The following PPP1R12B variants were observed in gnomAD, a reference collection of about 807,000 sequenced individuals.
PPP1R12B encodes protein phosphatase 1 regulatory subunit 12B.
A neutral mutation model predicts 126.1 loss-of-function variants in PPP1R12B; 76 were observed. The ratio of observed to expected loss-of-function variants is 0.60; its 90% CI spans 0.50 to 0.73. The LOEUF is 0.73. PPP1R12B is among the 30% of genes least tolerant of loss of function. PPP1R12B has a pLI of 0.00. For missense variants in PPP1R12B, 1,052 were observed against 1,205.1 expected (o/e 0.87, Z 1.88); for synonymous variants, 356 against 434.7 (o/e 0.82, Z 2.25).
At chr1:202,390,426 AG>A (rs1663951247) in intron 1 of PPP1R12B, among the ~76,000 whole-genome samples, 1 of 152,218 alleles carries the variant, frequency 6.6e-6, no homozygotes, top group Non-Finnish European at 1.5e-5. Flanking sequence ...ATTTAGCAAA[AG>A]GTTCTTAGAT....
intron 18 of PPP1R12B, among the ~76,000 whole-genome samples, chr1:202,557,350 A>G (rs1288053429): frequency 6.6e-6 from 1 of 151,654 alleles, no homozygotes; most frequent in Non-Finnish European, 1.5e-5. Flanking sequence ...AGATATCAAG[A>G]AAAAAAAACT....
At chr1:202,433,365 T>C (rs1670414801) in intron 8 of PPP1R12B, among the ~76,000 whole-genome samples, 1 of 152,228 alleles carries the variant, frequency 6.6e-6, no homozygotes, top group African/African-American at 2.4e-5. Flanking sequence ...TCTTGTTCTC[T>C]GTAGCCAGGT....
chr1:202,583,847 TTA>T lies in PPP1R12B; in HGVS notation c.*3288_*3289del, dbSNP rs1392976195. The T allele has an allele frequency of 6.6e-6, 1 of 152,212 alleles. No individual in the cohort carries two copies. The highest frequency in any genetic ancestry group is 2.4e-5 in the African/African-American group (1 of 41,464). The allele number at this position is 152,212 out of a possible 1,614,324, so 9.4% of individuals were successfully genotyped here. On this transcript the variant is annotated 3_prime_UTR_variant, in exon 24 of 24. Coordinates refer to ENST00000608999, the MANE Select transcript of PPP1R12B (RefSeq NM_002481.4). ...ATGGGGCTCAGGTCTGTCACTTAAC[TTA>T]GAGTCTTTACATGAAATATCAGAAT...
chr1:202,503,752 T>C (rs1680494269), intron 18 of PPP1R12B, among the ~76,000 whole-genome samples: 1 of 151,768 alleles, frequency 6.6e-6, no homozygotes, highest in Admixed American at 6.6e-5. Flanking sequence ...CATGGAACAA[T>C]AGGCAGTTTT....
chr1:202,511,016 T>C lies in PPP1R12B; in HGVS notation c.2490+14194T>C, dbSNP rs1681421443. Among the ~76,000 whole-genome samples the C allele has an allele frequency of 3.4e-5, 5 of 146,668 alleles. No homozygotes were observed. The South Asian group carries it at 1.1e-3, about 31-fold the overall frequency. ...ATTTATACAATAATTTAAAATATAA[T>C]TTATTAATATAAATATAACAATTAT... On this transcript the variant is annotated intron_variant, in intron 18 of 23. Transcript: ENST00000608999.
intron 13 of PPP1R12B, among the ~76,000 whole-genome samples, chr1:202,484,893 G>A (rs985109200): frequency 2.6e-5 from 4 of 152,170 alleles, no homozygotes; most frequent in African/African-American, 9.7e-5. Flanking sequence ...ATCAGGCCAA[G>A]CATGGGTACA....
At chr1:202,456,277 A>AAAAGAAAG (rs530699602) in intron 13 of PPP1R12B, among the ~76,000 whole-genome samples, 5 of 151,914 alleles carry the variant, frequency 3.3e-5, no homozygotes, top group South Asian at 2.1e-4. Flanking sequence ...TCAAAAAAAA[A>AAAAGAAAG]AAAGAAAGAA....
At chr1:202,486,886 G>A (rs1323578370) in intron 13 of PPP1R12B, among the ~76,000 whole-genome samples, 2 of 152,122 alleles carry the variant, frequency 1.3e-5, no homozygotes, top group Non-Finnish European at 2.9e-5. Flanking sequence ...ATTTAAGGAG[G>A]AAATAACCCA....
At chr1:202,480,843 A>T (rs1677252528) in intron 13 of PPP1R12B, among the ~76,000 whole-genome samples, 1 of 152,260 alleles carries the variant, frequency 6.6e-6, no homozygotes, top group Non-Finnish European at 1.5e-5. Context: ...CTTTGAAAGT[A>T]CAAGATAGAC....
chr1:202,547,966 A>G (rs957084586), intron 18 of PPP1R12B, among the ~76,000 whole-genome samples: 1 of 152,238 alleles, frequency 6.6e-6, no homozygotes, highest in Non-Finnish European at 1.5e-5. Context: ...TTTATTGAAC[A>G]TTTACTCTTT....
intron 18 of PPP1R12B, among the ~76,000 whole-genome samples, chr1:202,500,170 T>C (rs990464640): frequency 6.6e-6 from 1 of 152,150 alleles, no homozygotes; most frequent in African/African-American, 2.4e-5. Context: ...TGACGCTCCC[T>C]GGTGGTCTAG....
chr1:202,442,215 A>G (rs1417743999), intron 11 of PPP1R12B, among the ~76,000 whole-genome samples: 4 of 152,226 alleles, frequency 2.6e-5, no homozygotes, highest in African/African-American at 9.6e-5. Flanking sequence ...GACCTTTGAC[A>G]TGAGGAATTT....
intron 18 of PPP1R12B, chr1:202,558,562 A>C (rs1244944011): frequency 3.7e-6 from 1 of 271,548 alleles, no homozygotes; most frequent in Non-Finnish European, 6.9e-6. Context: ...TTGGCTAGTT[A>C]GTTGGGTGGG....
chr1:202,545,055 A>G (rs1163673050), intron 18 of PPP1R12B, among the ~76,000 whole-genome samples: 1 of 152,236 alleles, frequency 6.6e-6, no homozygotes. Flanking sequence ...ATCCAACACT[A>G]CATCTGATGC....
At chr1:202,380,997 T>C (rs1662156884) in intron 1 of PPP1R12B, among the ~76,000 whole-genome samples, 1 of 152,260 alleles carries the variant, frequency 6.6e-6, no homozygotes, top group Admixed American at 6.5e-5. Flanking sequence ...CTCTTTCTTA[T>C]TCATAGATGC....
Position 202,427,198 on chromosome 1 carries a change from A to G in PPP1R12B, c.846+14A>G. The G allele has an allele frequency of 6.2e-7, 1 of 1,612,582 alleles. No homozygotes were observed. On this transcript the variant is annotated intron_variant, in intron 5 of 23. Coordinates refer to ENST00000608999, the MANE Select transcript of PPP1R12B (RefSeq NM_002481.4). ...CGAAATAAACTGGTTAGTGAGCCTG[A>G]ACCTCTAAAAGAACAACGAGATTGG...
Position 202,517,555 on chromosome 1 carries a change from A to G in PPP1R12B, c.2490+20733A>G, listed in dbSNP as rs562583578. Among the ~76,000 whole-genome samples, 4 of 152,318 alleles carry G rather than the reference A, an allele frequency of 2.6e-5. No homozygotes were observed. The South Asian group carries it at 8.3e-4, about 32-fold the overall frequency. On this transcript the variant is annotated intron_variant, in intron 18 of 23. Coordinates refer to ENST00000608999, the MANE Select transcript of PPP1R12B (RefSeq NM_002481.4). ...TTATTAGAAAGCTATTTCAAAATAG[A>G]CAATTAACATGCATAAGAAAAAGTG...
intron 13 of PPP1R12B, among the ~76,000 whole-genome samples, chr1:202,467,314 G>T (rs1364442644): frequency 6.6e-6 from 1 of 151,298 alleles, no homozygotes; most frequent in Non-Finnish European, 1.5e-5. Flanking sequence ...ATGTTGGTGT[G>T]CTGCACCCAT....
intron 1 of PPP1R12B, among the ~76,000 whole-genome samples, chr1:202,378,505 A>C (rs1284037653): frequency 6.6e-6 from 1 of 152,028 alleles, no homozygotes; most frequent in Non-Finnish European, 1.5e-5. Context: ...TTTGGGACAG[A>C]GTCTTGCTCT....
Sources: allele counts gnomAD v4.1 joint callset (sites outside exome capture counted in the v4.1 genomes callset), GRCh38; gene constraint gnomAD v4.1.1; transcripts MANE v1.5; gene names NCBI Gene and HGNC (gene_info 2026-07-23, HGNC 2026-07-21).